ST3GAL1: variants seen among roughly 807,000 people sequenced by gnomAD.
ST3GAL1 encodes the protein ST3 beta-galactoside alpha-2,3-sialyltransferase 1.
A neutral mutation model predicts 34.1 loss-of-function variants in ST3GAL1; 16 were observed. The observed-to-expected ratio is 0.47, with a 90% CI of 0.32 to 0.71. The LOEUF is 0.71. ST3GAL1 is among the 30% of genes least tolerant of loss of function. The pLI is 0.04. For synonymous variants in ST3GAL1, 191 were observed against 184.7 expected (o/e 1.03, Z -0.28); for missense variants, 353 against 447.4 (o/e 0.79, Z 1.90).
At chr8:133,505,578 C>T (rs537621326) in intron 2 of ST3GAL1, among the ~76,000 whole-genome samples, 4 of 151,806 alleles carry the variant, frequency 2.6e-5, no homozygotes, top group South Asian at 2.1e-4. Flanking sequence ...ACTAGCCTCA[C>T]GTGGCTATTT....
At chr8:133,557,714 G>A (rs1819095312) in intron 1 of ST3GAL1, among the ~76,000 whole-genome samples, 1 of 152,150 alleles carries the variant, frequency 6.6e-6, no homozygotes, top group South Asian at 2.1e-4. Flanking sequence ...CAGGCGTGGT[G>A]GCGCGTGCCT....
At chr8:133,532,129 TTTG>T (rs553587181) in intron 2 of ST3GAL1, among the ~76,000 whole-genome samples, 1 of 152,064 alleles carries the variant, frequency 6.6e-6, no homozygotes, top group Non-Finnish European at 1.5e-5. Flanking sequence ...CTCTTCTAAT[TTTG>T]TTGTTGTTGT....
intron 2 of ST3GAL1, among the ~76,000 whole-genome samples, chr8:133,530,976 AG>A (rs1818134874): frequency 1.3e-5 from 2 of 152,150 alleles, no homozygotes; most frequent in South Asian, 4.1e-4. Context: ...CAAAGAGGTG[AG>A]GGCAGGGGTC....
At position 133,475,833 on chromosome 8, in the gene ST3GAL1, G is replaced by A. The variant is rs74421799; in HGVS notation, c.192C>T (p.Cys64=). The A allele has an allele frequency of 1.2e-3, 1,870 of 1,614,154 alleles. 21 individuals are homozygous for A. The African/African-American group carries it at 0.021, about 18-fold the overall frequency. Residue 64 remains cysteine (C), a synonymous_variant, in exon 5 of 10, where the codon TGC becomes TGT. Coordinates refer to ENST00000522652, the MANE Select transcript of ST3GAL1 (RefSeq NM_173344.3). Reference sequence around the variant, plus strand: ...AGGCCGAGAGCTTGCGCTGCCCGATGCAGTGGGTGCAGGTGCAAGGCCTGT... The same window carrying A: ...AGGCCGAGAGCTTGCGCTGCCCGATACAGTGGGTGCAGGTGCAAGGCCTGT... The part of the protein sequence containing the change: ...IKHRPCTCTH[C]IGQRKLSAWF...
At chr8:133,471,903 G>T (rs71526296) in intron 5 of ST3GAL1, among the ~76,000 whole-genome samples, 3 of 151,896 alleles carry the variant, frequency 2.0e-5, no homozygotes, top group African/African-American at 4.8e-5. Flanking sequence ...GGGGAGGGTC[G>T]CACTCTTTCT....
intron 1 of ST3GAL1, among the ~76,000 whole-genome samples, chr8:133,548,255 A>C (rs1488452042): frequency 6.6e-6 from 1 of 152,208 alleles, no homozygotes; most frequent in Non-Finnish European, 1.5e-5. Flanking sequence ...GGCAGCAGCC[A>C]GGGGGATCCT....
intron 2 of ST3GAL1, among the ~76,000 whole-genome samples, chr8:133,512,112 C>T (rs986534744): frequency 2.0e-5 from 3 of 152,074 alleles, no homozygotes; most frequent in Non-Finnish European, 4.4e-5. Flanking sequence ...AGGTAAAGTC[C>T]CATGATAGGC....
chr8:133,475,909 G>T lies in ST3GAL1; in HGVS notation c.116C>A (p.Pro39His), dbSNP rs774065780. Reference sequence around the variant, plus strand: ...GGAGAGCTCCAGGACCATCTGCTTGGGGAACCAGGTGGTGGCCACCATGGT... The same window carrying T: ...GGAGAGCTCCAGGACCATCTGCTTGTGGAACCAGGTGGTGGCCACCATGGT... ...SHTMVATTWF[P>H]KQMVLELSEN... The change falls in exon 5 of 10, where the codon CCC becomes CAC. Residue 39 changes from proline to histidine, a missense_variant. Pro to His is a moderately conservative substitution (Grantham distance 77). Coordinates refer to ENST00000522652, the MANE Select transcript of ST3GAL1 (RefSeq NM_173344.3). The T allele has an allele frequency of 6.2e-7, 1 of 1,614,050 alleles. No individual in the cohort carries two copies. The highest frequency in any genetic ancestry group is 1.7e-5 in the Admixed American group (1 of 60,016).
intron 2 of ST3GAL1, among the ~76,000 whole-genome samples, chr8:133,541,152 G>GAGAGAGAGAGAGAC (rs1159713676): frequency 2.2e-5 from 3 of 136,638 alleles, no homozygotes; most frequent in Admixed American, 7.2e-5. Flanking sequence ...GAGAGAGAGA[G>GAGAGAGAGAGAGAC]ACTGTGTGTC....
intron 3 of ST3GAL1, among the ~76,000 whole-genome samples, chr8:133,497,752 C>T (rs866545472): frequency 4.0e-4 from 61 of 152,210 alleles, no homozygotes; most frequent in African/African-American, 1.4e-3. Context: ...GGATTACAGG[C>T]ATGAACCACC....
chr8:133,502,457 C>T (rs1242599787), intron 2 of ST3GAL1, among the ~76,000 whole-genome samples: 1 of 149,768 alleles, frequency 6.7e-6, no homozygotes, highest in Non-Finnish European at 1.5e-5. Flanking sequence ...CCAGAAAGCA[C>T]TCTCACCATA....
intron 2 of ST3GAL1, among the ~76,000 whole-genome samples, chr8:133,544,563 C>A (rs1039430771): frequency 6.6e-6 from 1 of 152,082 alleles, no homozygotes; most frequent in African/African-American, 2.4e-5. Context: ...TGTTTCTTAT[C>A]GCTCTTGCCC....
chr8:133,558,757 T>C (rs1383993451), intron 1 of ST3GAL1, among the ~76,000 whole-genome samples: 2 of 152,320 alleles, frequency 1.3e-5, no homozygotes, highest in African/African-American at 2.4e-5. Context: ...TTTTTCTCCT[T>C]GTTTGGATTT....
At chr8:133,502,398 C>T (rs1817208822) in intron 2 of ST3GAL1, among the ~76,000 whole-genome samples, 1 of 149,992 alleles carries the variant, frequency 6.7e-6, no homozygotes, top group South Asian at 2.2e-4. Flanking sequence ...AATGGTGGGG[C>T]CCTAATCTGC....
At chr8:133,569,841 A>G (rs1819512984) in intron 1 of ST3GAL1, among the ~76,000 whole-genome samples, 1 of 152,204 alleles carries the variant, frequency 6.6e-6, no homozygotes, top group South Asian at 2.1e-4. Flanking sequence ...AGCGCGGGGT[A>G]AAGAAAATCA....
rs532665037 is a variant in ST3GAL1, at chr8:133,466,572, C to T, written c.307-482G>A. 1.3e-5 allele frequency among the ~76,000 whole-genome samples: 2 copies of T among 152,216 alleles called. No individual in the cohort carries two copies. The highest frequency in any genetic ancestry group is 2.9e-5 in the Non-Finnish European group (2 of 68,050). ...CTCAGACACCAGGGCCCAGGGGTTG[C>T]GTGCTCCCGCTCAAGCCTTAACAAG... On this transcript the variant is annotated intron_variant, in intron 5 of 9. Transcript: ENST00000522652. The surrounding 1 kb of genome is among the most constrained non-coding windows in gnomAD (Gnocchi z 4.4).
At chr8:133,475,290 C>A (rs1159301272) in intron 5 of ST3GAL1, among the ~76,000 whole-genome samples, 1 of 152,234 alleles carries the variant, frequency 6.6e-6, no homozygotes, top group Non-Finnish European at 1.5e-5. Context: ...GCGGCTTCCC[C>A]CTCAGAGCCT....
chr8:133,555,202 G>A (rs1044053097), intron 1 of ST3GAL1, among the ~76,000 whole-genome samples: 4 of 151,988 alleles, frequency 2.6e-5, no homozygotes, highest in Admixed American at 6.6e-5. Context: ...TTCTTCACCC[G>A]TCTCAGCCTG....
In ST3GAL1 at chr8:133,560,462, A is replaced by T. The variant is rs144151823; in HGVS notation, c.-582+11231T>A. ...CCAGTGATGGTGAATCGGGGAGAAG[A>T]CTCAGAGCCCCAGGCTTTGGGAGAA... On this transcript the variant is annotated intron_variant, in intron 1 of 9. Transcript: ENST00000522652. Among the ~76,000 whole-genome samples the T allele has an allele frequency of 3.9e-5, 6 of 152,344 alleles. No individual in the cohort carries two copies. In the East Asian group the frequency reaches 9.6e-4, roughly 24 times the overall value.
Sources: allele counts gnomAD v4.1 joint callset (sites outside exome capture counted in the v4.1 genomes callset), GRCh38; gene constraint gnomAD v4.1.1; non-coding constraint Gnocchi (gnomAD v3.1); transcripts MANE v1.5; gene names NCBI Gene and HGNC (gene_info 2026-07-23, HGNC 2026-07-21).